Variants in PDE9A observed in about 807,000 individuals in gnomAD.
The protein encoded by PDE9A is phosphodiesterase 9A, also known as high affinity cGMP-specific 3',5'-cyclic phosphodiesterase 9A.
A neutral mutation model predicts 87.4 loss-of-function variants in PDE9A; 60 were observed. That is an observed-to-expected ratio of 0.69 (90% CI 0.56 to 0.85). The LOEUF is 0.85. Among genes scored for constraint, PDE9A ranks in the 40% least tolerant of loss-of-function variants. The pLI is 0.00. For synonymous variants in PDE9A, 272 were observed against 279.4 expected, an observed-to-expected ratio of 0.97 and a Z score of 0.27; for missense variants, 665 against 779.0, an observed-to-expected ratio of 0.85 and a Z score of 1.74.
In PDE9A at chr21:42,659,628, A is replaced by C. The variant is rs1569093549; in HGVS notation, c.69+5745A>C. 6.6e-6 allele frequency among the ~76,000 whole-genome samples: 1 copy of C among 152,234 alleles called. No individual in the cohort carries two copies. Among genetic ancestry groups the C allele is most frequent in the Non-Finnish European group, 1.5e-5 (1 of 68,042 alleles). Reference sequence around the variant, plus strand: ...CTCATCCTGGACCCATCAGCCCGGAAGACTCTGGAAGCAGCAGTGGCAGCA... The same window carrying C: ...CTCATCCTGGACCCATCAGCCCGGACGACTCTGGAAGCAGCAGTGGCAGCA... On this transcript the variant is annotated intron_variant, in intron 1 of 19. Transcript: ENST00000291539. This position sits in a 1 kb window ranked among gnomAD's most constrained non-coding sequence, Gnocchi z 4.1.
rs369364639 is a variant in PDE9A at position 42,773,780 on chromosome 21, A to G, written c.1768+1260A>G. Among the ~76,000 whole-genome samples the G allele has an allele frequency of 2.3e-3, 334 of 146,440 alleles. 1 individual carries two copies. The highest frequency in any genetic ancestry group is 7.8e-3 in the African/African-American group (307 of 39,450). On this transcript the variant is annotated intron_variant, in intron 19 of 19. Transcript: ENST00000291539. ...CGCGCCACTGCACTCCAGCCTGGGCAACAGAGCGAGACTTCGTCTCAAAAA... is the reference window on the plus strand; with the variant it reads ...CGCGCCACTGCACTCCAGCCTGGGCGACAGAGCGAGACTTCGTCTCAAAAA...
At chr21:42,769,630 ACAGG>A (rs2056808080) in intron 17 of PDE9A, among the ~76,000 whole-genome samples, 1 of 150,978 alleles carries the variant, frequency 6.6e-6, no homozygotes, top group Non-Finnish European at 1.5e-5. Flanking sequence ...ACATGCACAC[ACAGG>A]CACACACAGG....
intron 7 of PDE9A, among the ~76,000 whole-genome samples, chr21:42,740,081 CTAGA>C (rs1159616621): frequency 1.3e-5 from 2 of 151,690 alleles, no homozygotes; most frequent in African/African-American, 2.4e-5. Context: ...TGGATAGAAG[CTAGA>C]TAGATACATA....
chr21:42,702,198 C>T lies in PDE9A; in HGVS notation c.262+3187C>T, dbSNP rs571133878. 5.3e-5 allele frequency among the ~76,000 whole-genome samples: 8 copies of T among 151,798 alleles called. No homozygotes were observed. The highest frequency in any genetic ancestry group is 1.5e-4 in the African/African-American group (6 of 41,368). The stretch of plus-strand genomic sequence containing the variant: ...TTGCTTTATTTTTCTTAGACTTTTC[C>T]GTGACGTCTTCCATTGCACTGGTCT... On this transcript the variant is annotated intron_variant, in intron 4 of 19. Transcript: ENST00000291539. This position sits in a 1 kb window ranked among gnomAD's most constrained non-coding sequence, Gnocchi z 4.9.
intron 14 of PDE9A, among the ~76,000 whole-genome samples, chr21:42,765,040 C>T (rs2056255184): frequency 9.1e-6 from 1 of 109,552 alleles, no homozygotes; most frequent in South Asian, 3.4e-4. Flanking sequence ...GGTGGATGGA[C>T]AAATGGATGG....
At chr21:42,762,437 G>A (rs768210774) in intron 14 of PDE9A, among the ~76,000 whole-genome samples, 198 bp downstream of exon 14, 8 of 152,166 alleles carry the variant, frequency 5.3e-5, no homozygotes, top group Middle Eastern at 3.2e-3. Flanking sequence ...CTCGCCATGC[G>A]CACGTGCATC....
rs939705998 is a variant in PDE9A at position 42,751,192 on chromosome 21, C to T, written c.730C>T (p.Pro244Ser). ...TCCTCGACGCGATGTTCCCACTTAC[C>T]CCAAGGTAAGATGAGATTCCGGCCC... ...LTPRRDVPTY[P>S]KYLLSPETIE... is the part of the protein sequence containing the mutation. Residue 244 changes from proline (P) to serine (S), a missense_variant, in exon 9 of 20, where the codon CCC (proline) becomes TCC (serine). By Grantham distance (74) the Pro-to-Ser change is moderately conservative. Transcript: ENST00000291539. 19 of 1,608,488 alleles carry T rather than the reference C, an allele frequency of 1.2e-5. No homozygotes were observed. Among genetic ancestry groups the T allele is most frequent in the Non-Finnish European group, 6.0e-6 (7 of 1,175,120 alleles).
chr21:42,733,405 G>A lies in PDE9A; in HGVS notation c.547G>A (p.Val183Ile), dbSNP rs758292671. The part of the protein sequence containing the change: ...LKAEVANHLA[V>I]LEKRVELEGL... The stretch of plus-strand genomic sequence containing the variant: ...AGCTGAAGTTGCAAATCACTTGGCT[G>A]TCCTAGAGAAACGCGTGGAATGTGA... The change falls in exon 7 of 20, where the codon GTC (valine) becomes ATC (isoleucine). Residue 183 changes from valine to isoleucine, a missense_variant. Val to Ile is a conservative substitution (Grantham distance 29, BLOSUM62 3). Transcript: ENST00000291539. 8.1e-6 allele frequency: 13 copies of A among 1,602,406 alleles called. No homozygotes were observed. In the Admixed American group the frequency reaches 1.8e-4, roughly 23 times the overall value.
At chr21:42,678,112 A>C (rs1353902425) in intron 1 of PDE9A, among the ~76,000 whole-genome samples, 1 of 152,248 alleles carries the variant, frequency 6.6e-6, no homozygotes, top group Non-Finnish European at 1.5e-5. Context: ...CCTCAAATAG[A>C]AATAGAAAAA....
At chr21:42,678,065 C>T (rs1175126504) in intron 1 of PDE9A, among the ~76,000 whole-genome samples, 1 of 152,242 alleles carries the variant, frequency 6.6e-6, no homozygotes, top group African/African-American at 2.4e-5. Context: ...GTCTGACAAA[C>T]CCAGCAAGAA....
chr21:42,709,496 G>A (rs756522253), intron 4 of PDE9A, among the ~76,000 whole-genome samples: 42 of 152,022 alleles, frequency 2.8e-4, no homozygotes, highest in Admixed American at 3.9e-4. Context: ...GCATGTAACC[G>A]CCACCACAAT....
rs1555946053 is a variant in PDE9A, at chr21:42,754,186, G to GGA, written c.810+122_810+123insGA. 1,127 of 500,200 alleles carry GGA rather than the reference G, an allele frequency of 2.3e-3. 8 individuals carry two copies. The highest frequency in any genetic ancestry group is 0.018 in the African/African-American group (875 of 48,580). 31.0% of individuals were successfully genotyped at this position (500,200 alleles called of 1,614,324 possible). A position where few individuals can be genotyped will look rare whatever the true frequency, so the allele number is the denominator to read the frequency against. On this transcript the variant is annotated intron_variant, in intron 10 of 19. Transcript: ENST00000291539. ...CTTTTTCCTCTTCTTTTTAAAGACTGAAAAAAAAAAACAAAACTTGTTTTG... is the reference window on the plus strand; with the variant it reads ...CTTTTTCCTCTTCTTTTTAAAGACTGGAAAAAAAAAAAACAAAACTTGTTTTG...
At chr21:42,673,949 C>T (rs28681501) in intron 1 of PDE9A, among the ~76,000 whole-genome samples, 3,169 of 152,306 alleles carry the variant, frequency 0.021, 112 homozygotes, top group African/African-American at 0.066. Context: ...GAGAATGCGT[C>T]GTCCTTGAAC....
rs780723341 is a variant in PDE9A, at chr21:42,759,087, T to C, written c.897+2T>C. 6.2e-7 allele frequency: 1 copy of C among 1,610,984 alleles called. No individual in the cohort carries two copies. The highest frequency in any genetic ancestry group is 1.1e-5 in the South Asian group (1 of 90,996). On this transcript the variant is annotated splice_donor_variant, in intron 11 of 19. Coordinates refer to ENST00000291539, the MANE Select transcript of PDE9A (RefSeq NM_002606.3). LOFTEE classifies it high-confidence loss of function. This position sits in a 1 kb window ranked among gnomAD's most constrained non-coding sequence, Gnocchi z 7.2. ...CCTGTCACCCTCAGGAGGTGGCTGG[T>C]GAGTGCCAAACCCGCCTTCGGTTCT...
chr21:42,724,529 A>G lies in PDE9A; in HGVS notation c.263-7241A>G, dbSNP rs745468585. ...GTGGGTGTGGTTGGCCTTTGTGCACACTGGTGGTTTTGCTTCTTTCCCCCA... is the reference window on the plus strand; with the variant it reads ...GTGGGTGTGGTTGGCCTTTGTGCACGCTGGTGGTTTTGCTTCTTTCCCCCA... On this transcript the variant is annotated intron_variant, in intron 4 of 19. Transcript: ENST00000291539. The G allele has an allele frequency of 2.7e-4, 259 of 959,318 alleles. 2 individuals carry two copies. The highest frequency in any genetic ancestry group is 3.1e-4 in the Non-Finnish European group (249 of 806,174). The allele number at this position is 959,318 out of a possible 1,614,324, so 59.4% of individuals were successfully genotyped here.
intron 17 of PDE9A, among the ~76,000 whole-genome samples, chr21:42,769,689 CACAT>C (rs1161444854): frequency 6.4e-5 from 3 of 46,714 alleles, no homozygotes; most frequent in Admixed American, 2.0e-4. Flanking sequence ...CACAGGCACA[CACAT>C]ACACACATGC....
At chr21:42,770,340 G>A (rs958947232) in intron 17 of PDE9A, among the ~76,000 whole-genome samples, 3 of 152,152 alleles carry the variant, frequency 2.0e-5, no homozygotes, top group African/African-American at 4.8e-5. Flanking sequence ...TTCTGCTCTA[G>A]GGCATCTCTT....
chr21:42,712,661 G>A (rs1443704853), intron 4 of PDE9A, among the ~76,000 whole-genome samples: 1 of 152,174 alleles, frequency 6.6e-6, no homozygotes, highest in African/African-American at 2.4e-5. Flanking sequence ...TTTTGTGGAT[G>A]CCTTTCATAA....
At chr21:42,717,811 C>A (rs1473785521) in intron 4 of PDE9A, among the ~76,000 whole-genome samples, 1 of 151,722 alleles carries the variant, frequency 6.6e-6, no homozygotes, top group Non-Finnish European at 1.5e-5. Context: ...TTCTTTCTGG[C>A]CTCCATTGTT....
Sources: gnomAD v4.1 joint callset for allele counts (sites outside exome capture counted in the v4.1 genomes callset) on GRCh38, gnomAD v4.1.1 for gene constraint, Gnocchi (gnomAD v3.1) non-coding constraint, MANE v1.5 for transcripts, NCBI Gene and HGNC (gene_info 2026-07-23, HGNC 2026-07-21) for gene names.